Variants in TBC1D4 observed in about 807,000 individuals in gnomAD.
TBC1D4 encodes the protein TBC (Tre-2, BUB2, CDC16) domain-containing protein.
Under a neutral mutation model 142.5 loss-of-function variants are expected in TBC1D4, and 121 were observed. That is an observed-to-expected ratio of 0.85 (90% CI 0.73 to 0.99). TBC1D4 has a LOEUF of 0.99. TBC1D4 is among the 50% of genes least tolerant of loss of function. The pLI is 0.00. For missense variants in TBC1D4, 1,475 were observed against 1,606.6 expected (o/e 0.92, Z 1.40); for synonymous variants, 630 against 628.2 (o/e 1.00, Z -0.04).
chr13:75,410,902 C>T (rs1885620048), intron 1 of TBC1D4, among the ~76,000 whole-genome samples: 1 of 122,038 alleles, frequency 8.2e-6, no homozygotes, highest in Middle Eastern at 6.0e-3. Context: ...CGCCACTGCA[C>T]TCCAGCCTGG....
At chr13:75,435,305 G>A (rs1193217880) in intron 1 of TBC1D4, among the ~76,000 whole-genome samples, 2 of 143,944 alleles carry the variant, frequency 1.4e-5, no homozygotes, top group African/African-American at 5.4e-5. Flanking sequence ...TCCAGCCTGG[G>A]AGACAGAGGG....
intron 16 of TBC1D4, among the ~76,000 whole-genome samples, chr13:75,300,774 C>T (rs1264715977): frequency 2.0e-5 from 3 of 152,140 alleles, no homozygotes; most frequent in Non-Finnish European, 4.4e-5. Flanking sequence ...AATAGGACAT[C>T]GTGACTAACC....
At chr13:75,398,884 G>C (rs549430547) in intron 1 of TBC1D4, among the ~76,000 whole-genome samples, 1 of 152,276 alleles carries the variant, frequency 6.6e-6, no homozygotes, top group East Asian at 1.9e-4. Flanking sequence ...GGGTTTCTAA[G>C]ACTTTAAGGG....
At chr13:75,385,394 G>A (rs1485217621) in intron 1 of TBC1D4, among the ~76,000 whole-genome samples, 1 of 152,164 alleles carries the variant, frequency 6.6e-6, no homozygotes, top group Admixed American at 6.5e-5. Context: ...GAAAATGGTG[G>A]TTCTGCTCAC....
chr13:75,293,177 T>G lies in TBC1D4; in HGVS notation c.3317-906A>C, dbSNP rs187810880. On this transcript the variant is annotated intron_variant, in intron 18 of 20. Transcript: ENST00000377636. ...TTAGAAAAATAAAAAAAGAAAGAAA[T>G]AAAAGTATCAAGTACTTAGTACTTT... is the stretch of plus-strand genomic sequence containing the variant. 1.7e-3 allele frequency among the ~76,000 whole-genome samples: 252 copies of G among 152,242 alleles called. 2 individuals carry two copies. The highest frequency in any genetic ancestry group is 2.4e-3 in the Non-Finnish European group (166 of 67,988).
intron 1 of TBC1D4, among the ~76,000 whole-genome samples, chr13:75,366,593 A>G (rs1302839532): frequency 1.3e-5 from 2 of 152,098 alleles, no homozygotes; most frequent in African/African-American, 2.4e-5. Flanking sequence ...TTTAGCTAGT[A>G]TTTTGTTGTT....
intron 1 of TBC1D4, among the ~76,000 whole-genome samples, chr13:75,430,626 G>A (rs559833278): frequency 9.2e-5 from 14 of 152,256 alleles, no homozygotes; most frequent in South Asian, 8.3e-4. Flanking sequence ...CAGGCTCATC[G>A]GGGGACAGAT....
chr13:75,411,686 G>A (rs1885672160), intron 1 of TBC1D4, among the ~76,000 whole-genome samples: 1 of 151,550 alleles, frequency 6.6e-6, no homozygotes, highest in South Asian at 2.1e-4. Context: ...ACCATATCTG[G>A]CTAATTTTTT....
intron 1 of TBC1D4, among the ~76,000 whole-genome samples, chr13:75,438,327 C>T (rs1299874859): frequency 6.6e-6 from 1 of 152,214 alleles, no homozygotes; most frequent in South Asian, 2.1e-4. Flanking sequence ...TCAATTTTCT[C>T]TAGAAACATT....
chr13:75,388,813 G>A (rs1220960353), intron 1 of TBC1D4, among the ~76,000 whole-genome samples: 1 of 152,134 alleles, frequency 6.6e-6, no homozygotes, highest in African/African-American at 2.4e-5. Flanking sequence ...AATAAAGTAT[G>A]ACAACACTGA....
At position 75,425,148 on chromosome 13, in the gene TBC1D4, T is replaced by A. The variant is rs189675959; in HGVS notation, c.498+56122A>T. Among the ~76,000 whole-genome samples, 1,416 of 150,864 alleles carry A rather than the reference T, an allele frequency of 9.4e-3. 27 individuals are homozygous for A. Among genetic ancestry groups the A allele is most frequent in the African/African-American group, 0.033 (1,369 of 41,112 alleles). On this transcript the variant is annotated intron_variant, in intron 1 of 20. Transcript: ENST00000377636. ...ATATATAAGGAACAATTCAATAGTT[T>A]AAAAAAAAACAATTTAAAAATGGGC...
intron 15 of TBC1D4, among the ~76,000 whole-genome samples, chr13:75,303,394 A>G (rs1299159074): frequency 1.3e-5 from 2 of 152,216 alleles, no homozygotes; most frequent in African/African-American, 4.8e-5. Context: ...TCGGGCTTTG[A>G]AAAGAAAATG....
At position 75,481,842 on chromosome 13, in the gene TBC1D4, G is replaced by T; in HGVS notation, c.-75C>A. On this transcript the variant is annotated 5_prime_UTR_variant, in exon 1 of 21. Transcript: ENST00000377636. Reference sequence around the variant, plus strand: ...CCCCCACTCCCGCGCAGAAGGCGCCGCCGAAACTGTGCCAACTGCCGCACC... The same window carrying T: ...CCCCCACTCCCGCGCAGAAGGCGCCTCCGAAACTGTGCCAACTGCCGCACC... The T allele has an allele frequency of 1.4e-6, 2 of 1,406,500 alleles. No individual in the cohort carries two copies. Among genetic ancestry groups the T allele is most frequent in the Non-Finnish European group, 1.8e-6 (2 of 1,090,178 alleles). The allele number at this position is 1,406,500 out of a possible 1,614,324, so 87.1% of individuals were successfully genotyped here. A position where few individuals can be genotyped will look rare whatever the true frequency, so the allele number is the denominator to read the frequency against.
chr13:75,427,315 T>A lies in TBC1D4; in HGVS notation c.498+53955A>T, dbSNP rs191847069. ...TGGTCTCGATCTCCTGACCTCGTGA[T>A]CCACCCGCCTCGGCCCAAAATATAA... On this transcript the variant is annotated intron_variant, in intron 1 of 20. Transcript: ENST00000377636. Among the ~76,000 whole-genome samples, 475 of 152,224 alleles carry A rather than the reference T, an allele frequency of 3.1e-3. 2 individuals carry two copies. Among genetic ancestry groups the A allele is most frequent in the African/African-American group, 0.011 (455 of 41,540 alleles).
At chr13:75,393,748 C>G (rs1202426846) in intron 1 of TBC1D4, among the ~76,000 whole-genome samples, 5 of 151,936 alleles carry the variant, frequency 3.3e-5, no homozygotes, top group African/African-American at 1.2e-4. Context: ...CCTGACCAAC[C>G]CGGAGAAACC....
intron 8 of TBC1D4, among the ~76,000 whole-genome samples, chr13:75,331,218 G>C (rs1227141700): frequency 6.6e-6 from 1 of 152,082 alleles, no homozygotes; most frequent in Non-Finnish European, 1.5e-5. Context: ...TATTGGCTTG[G>C]CATGGTGGCT....
rs1365926712 is a variant in TBC1D4 at position 75,336,852 on chromosome 13, T to C, written c.1731+69A>G. 6 of 1,587,384 alleles carry C rather than the reference T, an allele frequency of 3.8e-6. No homozygotes were observed. The African/African-American group carries it at 6.7e-5, about 18-fold the overall frequency. ...TGTTTTAAGGAAATCAGTGAGCCTGTTGAGACTGAAGCTAAACTGTTAGAA... is the reference window on the plus strand; with the variant it reads ...TGTTTTAAGGAAATCAGTGAGCCTGCTGAGACTGAAGCTAAACTGTTAGAA... On this transcript the variant is annotated intron_variant, in intron 8 of 20. Coordinates refer to ENST00000377636, the MANE Select transcript of TBC1D4 (RefSeq NM_014832.5).
Position 75,481,383 on chromosome 13 carries a change from A to G in TBC1D4, c.385T>C (p.Phe129Leu), listed in dbSNP as rs1888862905. ...GTGAGGTCGTGGCTGTTGTGGATGA[A>G]GCGCGAGATATGCTGCGCCTTGTGC... ...FEHKAQHISR[F>L]IHNSHDLTYF... Residue 129 changes from phenylalanine to leucine, a missense_variant, in exon 1 of 21, where the codon TTC (phenylalanine) becomes CTC (leucine). Physicochemically the swap from Phe to Leu is conservative, Grantham distance 22. Coordinates refer to ENST00000377636, the MANE Select transcript of TBC1D4 (RefSeq NM_014832.5). 4 of 1,613,774 alleles carry G rather than the reference A, an allele frequency of 2.5e-6. No individual in the cohort carries two copies. The South Asian group carries it at 4.4e-5, about 18-fold the overall frequency.
chr13:75,457,800 C>T (rs996932352), intron 1 of TBC1D4, among the ~76,000 whole-genome samples: 1 of 152,142 alleles, frequency 6.6e-6, no homozygotes, highest in South Asian at 2.1e-4. Flanking sequence ...CCAACAAGCA[C>T]CTCAGGTGAT....
Sources: allele counts gnomAD v4.1 joint callset (sites outside exome capture counted in the v4.1 genomes callset), GRCh38; gene constraint gnomAD v4.1.1; transcripts MANE v1.5; gene names NCBI Gene and HGNC (gene_info 2026-07-23, HGNC 2026-07-21).